TNR: variants seen among roughly 807,000 people sequenced by gnomAD.
TNR encodes the protein tenascin-R.
A neutral mutation model predicts 150.4 loss-of-function variants in TNR; 45 were observed. The observed-to-expected ratio is 0.30, with a 90% CI of 0.24 to 0.38. The LOEUF is 0.38. Ranked by LOEUF, TNR falls within the 10% of genes least tolerant of loss-of-function variation. TNR has a pLI of 1.00. For missense variants in TNR, 1,544 were observed against 1,759.1 expected (o/e 0.88, Z 2.19); for synonymous variants, 687 against 678.4 (o/e 1.01, Z -0.20).
intron 1 of TNR, among the ~76,000 whole-genome samples, chr1:175,535,225 G>T (rs182219071): frequency 6.6e-6 from 1 of 152,142 alleles, no homozygotes; most frequent in South Asian, 2.1e-4. Context: ...TCCCTGATCA[G>T]CATTCCCTGT....
In TNR at chr1:175,646,276, T is replaced by G. The variant is rs140665520; in HGVS notation, c.-165+96950A>C. Among the ~76,000 whole-genome samples the G allele has an allele frequency of 4.5e-4, 69 of 152,302 alleles. 1 individual carries two copies. The highest frequency in any genetic ancestry group is 2.3e-3 in the South Asian group (11 of 4,818). On this transcript the variant is annotated intron_variant, in intron 1 of 22. Transcript: ENST00000367674. ...CAGGATCTAACACCAATTTTGCATC[T>G]GTATTTGACTGCATTGACTGGGTCA...
At chr1:175,473,641 C>G (rs901694791) in intron 2 of TNR, among the ~76,000 whole-genome samples, 3 of 152,162 alleles carry the variant, frequency 2.0e-5, no homozygotes, top group African/African-American at 7.2e-5. Flanking sequence ...TTGGGTGGCT[C>G]CTGCCCCTTG....
intron 1 of TNR, among the ~76,000 whole-genome samples, chr1:175,557,091 CACAG>C (rs1479115318): frequency 6.6e-6 from 1 of 152,190 alleles, no homozygotes; most frequent in African/African-American, 2.4e-5. Context: ...GGCAGCCTCT[CACAG>C]ACAGTCAGCA....
chr1:175,638,433 A>G (rs1664550436), intron 1 of TNR, among the ~76,000 whole-genome samples: 1 of 152,192 alleles, frequency 6.6e-6, no homozygotes, highest in Non-Finnish European at 1.5e-5. Flanking sequence ...ACCCATTTGG[A>G]CTGACTTTCC....
chr1:175,644,160 AT>A (rs1664745519), intron 1 of TNR, among the ~76,000 whole-genome samples: 1 of 152,232 alleles, frequency 6.6e-6, no homozygotes, highest in African/African-American at 2.4e-5. Context: ...GCTGCTAAGT[AT>A]TTATGTTACC....
chr1:175,610,606 C>T (rs1663561177), intron 1 of TNR, among the ~76,000 whole-genome samples: 1 of 152,210 alleles, frequency 6.6e-6, no homozygotes, highest in South Asian at 2.1e-4. Flanking sequence ...ACCCCATCTC[C>T]CCACACCTGG....
At chr1:175,662,144 G>A (rs938386983) in intron 1 of TNR, among the ~76,000 whole-genome samples, 10 of 152,142 alleles carry the variant, frequency 6.6e-5, no homozygotes, top group South Asian at 6.2e-4. Context: ...TCAGGCTTGC[G>A]AATAGTAGTT....
At chr1:175,388,604 C>T (rs1227468054) in intron 7 of TNR, among the ~76,000 whole-genome samples, 3 of 152,122 alleles carry the variant, frequency 2.0e-5, no homozygotes, top group African/African-American at 7.2e-5. Context: ...TGGATTCTGC[C>T]CTTTGTTGGC....
intron 1 of TNR, among the ~76,000 whole-genome samples, chr1:175,700,688 T>G (rs1666666828): frequency 6.6e-6 from 1 of 152,136 alleles, no homozygotes; most frequent in African/African-American, 2.4e-5. Context: ...GGCACAGTGT[T>G]CCATACATCA....
chr1:175,367,358 A>G, intron 9 of TNR, 61 bp from the exon 10 acceptor site: 1 of 1,407,992 alleles, frequency 7.1e-7, no homozygotes, highest in Non-Finnish European at 1.0e-6. Context: ...GGAAGGCTGA[A>G]AGTGGGAAGA....
chr1:175,740,343 TG>T (rs1460684291), intron 1 of TNR, among the ~76,000 whole-genome samples: 3 of 152,204 alleles, frequency 2.0e-5, no homozygotes, highest in Admixed American at 6.5e-5. Context: ...ACATCTTTTT[TG>T]GGGTATACAA....
intron 2 of TNR, among the ~76,000 whole-genome samples, chr1:175,467,525 A>G (rs1571482356): frequency 6.6e-6 from 1 of 152,170 alleles, no homozygotes; most frequent in Admixed American, 6.5e-5. Context: ...TAGCCGGGGG[A>G]TGTCAGCCCA....
intron 1 of TNR, among the ~76,000 whole-genome samples, chr1:175,630,710 C>T (rs1225249330): frequency 6.6e-6 from 1 of 152,202 alleles, no homozygotes; most frequent in Non-Finnish European, 1.5e-5. Flanking sequence ...TGTTAGGCAT[C>T]CTTTTAATGA....
intron 1 of TNR, among the ~76,000 whole-genome samples, chr1:175,550,498 C>T (rs893067964): frequency 1.3e-5 from 2 of 151,736 alleles, no homozygotes; most frequent in African/African-American, 4.8e-5. Context: ...CTTCCCCCCT[C>T]ACCCCCCATC....
chr1:175,711,041 T>C (rs951263251), intron 1 of TNR, among the ~76,000 whole-genome samples: 7 of 152,158 alleles, frequency 4.6e-5, no homozygotes, highest in African/African-American at 1.7e-4. Context: ...ACTCATGATG[T>C]GTGAAATAAG....
intron 9 of TNR, among the ~76,000 whole-genome samples, chr1:175,376,879 T>TATACACAC (rs36055169): frequency 4.8e-5 from 7 of 146,534 alleles, no homozygotes; most frequent in Non-Finnish European, 9.0e-5. Flanking sequence ...TATATATATA[T>TATACACAC]ACACATATAT....
intron 1 of TNR, among the ~76,000 whole-genome samples, chr1:175,740,337 C>T (rs970195701): frequency 2.6e-5 from 4 of 152,290 alleles, no homozygotes; most frequent in Middle Eastern, 3.4e-3. Flanking sequence ...TTTTATACAT[C>T]TTTTTTGGGG....
chr1:175,364,944 A>G (rs1394307469), intron 12 of TNR, 66 bp downstream of exon 12: 10 of 1,514,264 alleles, frequency 6.6e-6, no homozygotes, highest in South Asian at 4.0e-5. Flanking sequence ...TTAAAATTTC[A>G]TTGATTTGTC....
chr1:175,454,069 T>C (rs1461649710), intron 2 of TNR, among the ~76,000 whole-genome samples: 4 of 152,124 alleles, frequency 2.6e-5, no homozygotes, highest in African/African-American at 9.7e-5. Context: ...TTCCTCAGTT[T>C]CTCCATCTTC....
Sources: allele counts gnomAD v4.1 joint callset (sites outside exome capture counted in the v4.1 genomes callset), GRCh38; gene constraint gnomAD v4.1.1; transcripts MANE v1.5; gene names NCBI Gene and HGNC (gene_info 2026-07-23, HGNC 2026-07-21).